The following RIT2 variants were observed in gnomAD, a reference collection of about 807,000 sequenced individuals.
RIT2 encodes Ras like without CAAX 2.
A neutral mutation model predicts 23.7 loss-of-function variants in RIT2; 24 were observed. The observed-to-expected ratio is 1.01, with a 90% CI of 0.73 to 1.43. The LOEUF (loss-of-function observed/expected upper bound fraction) is 1.43. Ranked by LOEUF, RIT2 falls within the 40% of genes most tolerant of loss-of-function variation. The probability of loss-of-function intolerance (pLI) is 0.00; values close to 1 mark genes in which losing one functional copy is unlikely to be tolerated. For synonymous variants in RIT2, 107 were observed against 91.1 expected, an observed-to-expected ratio of 1.17 and a Z score of -0.99; for missense variants, 236 against 266.9, an observed-to-expected ratio of 0.88 and a Z score of 0.81.
At chr18:42,990,727 T>C (rs1910822253) in intron 2 of RIT2, among the ~76,000 whole-genome samples, 1 of 152,164 alleles carries the variant, frequency 6.6e-6, no homozygotes, top group South Asian at 2.1e-4. Context: ...CTCTGCTCAG[T>C]TTTTTCAGTT....
intron 4 of RIT2, among the ~76,000 whole-genome samples, chr18:42,760,973 T>TA: frequency 6.6e-6 from 1 of 152,228 alleles, no homozygotes; most frequent in Non-Finnish European, 1.5e-5. Context: ...GAGTGGTGGA[T>TA]TCTTCCTTTG....
rs76877718 is a variant in RIT2, at chr18:43,079,920, C to A, written c.103+35497G>T. ...CAGTAAAAGTGTCTCTGTCACCTACCTGGGTTCTGCCACAAAATCTGCAAA... is the reference window on the plus strand; with the variant it reads ...CAGTAAAAGTGTCTCTGTCACCTACATGGGTTCTGCCACAAAATCTGCAAA... On this transcript the variant is annotated intron_variant, in intron 1 of 4. Coordinates refer to ENST00000326695, the MANE Select transcript of RIT2 (RefSeq NM_002930.4). 4.5e-3 allele frequency among the ~76,000 whole-genome samples: 689 copies of A among 152,284 alleles called. 9 individuals are homozygous for A. Among genetic ancestry groups the A allele is most frequent in the African/African-American group, 0.016 (648 of 41,538 alleles).
chr18:43,020,378 T>C (rs1196252531), intron 2 of RIT2, among the ~76,000 whole-genome samples: 2 of 151,910 alleles, frequency 1.3e-5, no homozygotes, highest in African/African-American at 2.4e-5. Flanking sequence ...CCAGCTACCT[T>C]GGGAGGCTGA....
intron 2 of RIT2, among the ~76,000 whole-genome samples, chr18:43,031,606 C>CA (rs1386971615): frequency 6.6e-6 from 1 of 151,944 alleles, no homozygotes; most frequent in African/African-American, 2.4e-5. Context: ...ACACTGGTAT[C>CA]AAATAATATA....
chr18:42,807,593 G>A (rs1905720145), intron 4 of RIT2, among the ~76,000 whole-genome samples: 1 of 152,042 alleles, frequency 6.6e-6, no homozygotes, highest in Admixed American at 6.6e-5. Context: ...CTCCAGCCTG[G>A]GTGGCAAGAG....
chr18:43,046,827 A>G (rs1912259727), intron 1 of RIT2, among the ~76,000 whole-genome samples: 1 of 152,188 alleles, frequency 6.6e-6, no homozygotes, highest in Non-Finnish European at 1.5e-5. Flanking sequence ...ATTGTCTTTT[A>G]AGCTATGCAT....
At chr18:42,958,537 GT>G (rs1454671201) in intron 3 of RIT2, among the ~76,000 whole-genome samples, 1 of 152,086 alleles carries the variant, frequency 6.6e-6, no homozygotes, top group Non-Finnish European at 1.5e-5. Context: ...CAGGGACAAT[GT>G]TTTTAATAAT....
chr18:43,056,212 T>G (rs1198342309), intron 1 of RIT2, among the ~76,000 whole-genome samples: 1 of 152,072 alleles, frequency 6.6e-6, no homozygotes, highest in Non-Finnish European at 1.5e-5. Flanking sequence ...AATACTATAT[T>G]TAATATTTAA....
intron 1 of RIT2, among the ~76,000 whole-genome samples, chr18:43,077,662 G>A (rs555896358): frequency 1.3e-5 from 2 of 152,250 alleles, no homozygotes; most frequent in South Asian, 2.1e-4. Context: ...ATTGTAACAT[G>A]AGCAATGTAG....
intron 3 of RIT2, among the ~76,000 whole-genome samples, chr18:42,937,850 G>C (rs1414967778): frequency 6.6e-6 from 1 of 152,138 alleles, no homozygotes; most frequent in Non-Finnish European, 1.5e-5. Flanking sequence ...TAACTATTTA[G>C]GGAGATAAGA....
At chr18:42,898,484 C>T (rs946081214) in intron 4 of RIT2, among the ~76,000 whole-genome samples, 1 of 152,044 alleles carries the variant, frequency 6.6e-6, no homozygotes, top group Non-Finnish European at 1.5e-5. Context: ...ACCAGGATGT[C>T]AAACCACAAA....
chr18:42,946,373 T>C (rs1909726784), intron 3 of RIT2, among the ~76,000 whole-genome samples: 1 of 152,050 alleles, frequency 6.6e-6, no homozygotes, highest in Admixed American at 6.6e-5. Context: ...TCCTTTGTGG[T>C]AGGTCTGTTA....
intron 4 of RIT2, among the ~76,000 whole-genome samples, chr18:42,912,231 G>GAA (rs35260729): frequency 6.9e-6 from 1 of 145,302 alleles, no homozygotes; most frequent in South Asian, 2.2e-4. Flanking sequence ...ACCCATTCAT[G>GAA]AAAAAAAAAA....
intron 3 of RIT2, among the ~76,000 whole-genome samples, chr18:42,930,973 C>T (rs547886808): frequency 1.3e-5 from 2 of 152,182 alleles, no homozygotes; most frequent in South Asian, 4.1e-4. Context: ...TGACAGCTTT[C>T]TTCTAGTTTT....
intron 4 of RIT2, among the ~76,000 whole-genome samples, chr18:42,753,152 A>C (rs1228578104): frequency 6.6e-6 from 1 of 152,216 alleles, no homozygotes; most frequent in Non-Finnish European, 1.5e-5. Flanking sequence ...AGTCCAGCCC[A>C]GCTGCTAGTG....
At chr18:42,747,303 C>CTAAA (rs1197572062) in intron 4 of RIT2, among the ~76,000 whole-genome samples, 1 of 151,764 alleles carries the variant, frequency 6.6e-6, no homozygotes, top group African/African-American at 2.4e-5. Context: ...ACAATAGCTG[C>CTAAA]TAAATAAATA....
chr18:43,109,993 T>C (rs1172771436), intron 1 of RIT2, among the ~76,000 whole-genome samples: 1 of 152,174 alleles, frequency 6.6e-6, no homozygotes, highest in Non-Finnish European at 1.5e-5. Context: ...CCAGTCCTTA[T>C]TTTCTGACTT....
chr18:42,923,632 G>A lies in RIT2; in HGVS notation c.366C>T (p.His122=), dbSNP rs762070204. Residue 122 remains histidine (H), a synonymous_variant, in exon 4 of 5, where the codon CAC becomes CAT. Transcript: ENST00000326695. ...CCAGCACCAGGGGAATTTCATAGGTGTGGCGGACCTGAAAAATGAGCTCTT... is the reference window on the plus strand; with the variant it reads ...CCAGCACCAGGGGAATTTCATAGGTATGGCGGACCTGAAAAATGAGCTCTT... The part of the protein sequence containing the change: ...KFKELIFQVR[H]TYEIPLVLVG... 3.6e-5 allele frequency: 58 copies of A among 1,613,400 alleles called. No homozygotes were observed. In the South Asian group the frequency reaches 6.3e-4, roughly 17 times the overall value.
chr18:42,855,475 A>G (rs1365742736), intron 4 of RIT2, among the ~76,000 whole-genome samples: 2 of 152,204 alleles, frequency 1.3e-5, no homozygotes, highest in Non-Finnish European at 2.9e-5. Context: ...AAATTCTGTG[A>G]TAACTCACTT....
Sources: gnomAD v4.1 joint callset for allele counts (sites outside exome capture counted in the v4.1 genomes callset) on GRCh38, gnomAD v4.1.1 for gene constraint, MANE v1.5 for transcripts, NCBI Gene and HGNC (gene_info 2026-07-23, HGNC 2026-07-21) for gene names.